Variants in PRDM16 observed in about 807,000 individuals in gnomAD.
The protein encoded by PRDM16 is histone-lysine N-methyltransferase PRDM16.
In PRDM16, 23 loss-of-function variants were observed where a neutral mutation model predicts 110.6. The ratio of observed to expected loss-of-function variants is 0.21; its 90% CI spans 0.15 to 0.29. The LOEUF (loss-of-function observed/expected upper bound fraction) is 0.29. PRDM16 is among the 10% of genes least tolerant of loss of function. The probability of loss-of-function intolerance (pLI) is 1.00; values close to 1 mark genes in which losing one functional copy is unlikely to be tolerated. For synonymous variants in PRDM16, 799 were observed against 781.8 expected, an observed-to-expected ratio of 1.02 and a Z score of -0.37; for missense variants, 1,615 against 1,794.3, an observed-to-expected ratio of 0.90 and a Z score of 1.81.
intron 3 of PRDM16, among the ~76,000 whole-genome samples, chr1:3,349,726 G>T (rs1428700548): frequency 6.6e-6 from 1 of 152,192 alleles, no homozygotes. Context: ...CGCTCTGGGG[G>T]TCTTCAAAGC....
intron 1 of PRDM16, among the ~76,000 whole-genome samples, chr1:3,101,041 C>A (rs570458628): frequency 8.5e-5 from 13 of 152,238 alleles, no homozygotes; most frequent in African/African-American, 3.1e-4. Flanking sequence ...GGGGGATGCC[C>A]TCGGCGGGAG....
At chr1:3,222,164 G>T (rs1458327867) in intron 2 of PRDM16, among the ~76,000 whole-genome samples, 2 of 152,158 alleles carry the variant, frequency 1.3e-5, no homozygotes, top group African/African-American at 2.4e-5. Flanking sequence ...TTGAGCTCAG[G>T]TCCCACCCCC....
At chr1:3,185,732 G>A (rs953085513) in intron 1 of PRDM16, among the ~76,000 whole-genome samples, 8 of 152,378 alleles carry the variant, frequency 5.3e-5, no homozygotes, top group East Asian at 3.9e-4. Context: ...GCCGCCACGC[G>A]TGACGGCTTC....
At chr1:3,424,396 G>A (rs935109257) in intron 12 of PRDM16, among the ~76,000 whole-genome samples, 3 of 152,224 alleles carry the variant, frequency 2.0e-5, no homozygotes, top group South Asian at 2.1e-4. Flanking sequence ...CCCTCCACAC[G>A]CAGCCCTCCT....
chr1:3,294,970 C>G (rs562488449), intron 3 of PRDM16, among the ~76,000 whole-genome samples: 13 of 152,344 alleles, frequency 8.5e-5, no homozygotes, highest in African/African-American at 2.6e-4. Context: ...GACATCTTCC[C>G]CCGCCTGGTC....
At chr1:3,258,509 C>T (rs1477607029) in intron 3 of PRDM16, among the ~76,000 whole-genome samples, 2 of 152,144 alleles carry the variant, frequency 1.3e-5, no homozygotes, top group African/African-American at 4.8e-5. Context: ...TTCTTCTTGC[C>T]CAGTTAACAA....
chr1:3,264,482 C>A (rs1261516210), intron 3 of PRDM16, among the ~76,000 whole-genome samples: 1 of 144,324 alleles, frequency 6.9e-6, no homozygotes, highest in Non-Finnish European at 1.5e-5. Context: ...GACCCTAGGC[C>A]AGGAGGAGAG....
intron 3 of PRDM16, among the ~76,000 whole-genome samples, chr1:3,325,303 C>A (rs1641863035): frequency 6.6e-6 from 1 of 152,212 alleles, no homozygotes; most frequent in Non-Finnish European, 1.5e-5. Flanking sequence ...AGGTGTTAGC[C>A]GGCCCCAGGG....
At chr1:3,259,208 G>T (rs943965732) in intron 3 of PRDM16, among the ~76,000 whole-genome samples, 2 of 152,208 alleles carry the variant, frequency 1.3e-5, no homozygotes, top group African/African-American at 4.8e-5. Context: ...GGAGGCTCGA[G>T]TCACCCTCAG....
chr1:3,369,398 A>G (rs1292729390), intron 3 of PRDM16, among the ~76,000 whole-genome samples: 1 of 152,200 alleles, frequency 6.6e-6, no homozygotes, highest in Non-Finnish European at 1.5e-5. Context: ...ATCACCGAGC[A>G]TCTGGGTGGT....
chr1:3,114,191 A>ACGCGCG (rs1553127266), intron 1 of PRDM16, among the ~76,000 whole-genome samples: 1 of 131,714 alleles, frequency 7.6e-6, no homozygotes, highest in East Asian at 2.5e-4. Flanking sequence ...ACACGCACAC[A>ACGCGCG]CGCACACGCA....
chr1:3,247,413 G>T (rs1258738588), intron 3 of PRDM16, among the ~76,000 whole-genome samples: 1 of 152,338 alleles, frequency 6.6e-6, no homozygotes, highest in Non-Finnish European at 1.5e-5. Context: ...AGGCGAGGGC[G>T]GCCGGGCCGA....
intron 1 of PRDM16, among the ~76,000 whole-genome samples, chr1:3,121,291 G>A (rs1296708322): frequency 6.6e-6 from 1 of 152,240 alleles, no homozygotes; most frequent in East Asian, 1.9e-4. Flanking sequence ...CTAGCAATCT[G>A]CCCCTGAAAA....
At chr1:3,076,032 G>C (rs986024209) in intron 1 of PRDM16, among the ~76,000 whole-genome samples, 1 of 152,180 alleles carries the variant, frequency 6.6e-6, no homozygotes, top group African/African-American at 2.4e-5. Context: ...GCAGAACCAG[G>C]AGCAGCCTCT....
intron 3 of PRDM16, among the ~76,000 whole-genome samples, chr1:3,277,962 A>G (rs967097319): frequency 1.3e-5 from 2 of 152,138 alleles, no homozygotes; most frequent in Non-Finnish European, 2.9e-5. Flanking sequence ...TGCATCCGGG[A>G]GCTCTAGGTC....
At chr1:3,294,681 C>A (rs10047257) in intron 3 of PRDM16, among the ~76,000 whole-genome samples, 2 of 152,230 alleles carry the variant, frequency 1.3e-5, no homozygotes, top group South Asian at 4.1e-4. Context: ...CCAGGCCTCG[C>A]GGGCTGGGCT....
intron 3 of PRDM16, among the ~76,000 whole-genome samples, chr1:3,361,864 T>C (rs542713153): frequency 1.7e-4 from 24 of 137,548 alleles, no homozygotes; most frequent in Admixed American, 1.2e-3. Flanking sequence ...GAAGTGACTG[T>C]GGCCCAGGAG....
chr1:3,095,951 C>T (rs558794010), intron 1 of PRDM16, among the ~76,000 whole-genome samples: 6 of 152,180 alleles, frequency 3.9e-5, no homozygotes, highest in Non-Finnish European at 5.9e-5. Flanking sequence ...GCCAGTGGAA[C>T]GTCACACTCC....
intron 3 of PRDM16, among the ~76,000 whole-genome samples, chr1:3,374,712 A>G (rs1642963755): frequency 6.6e-6 from 1 of 152,192 alleles, no homozygotes; most frequent in Non-Finnish European, 1.5e-5. Context: ...TAGCCTGTTC[A>G]CTGGGTGCCC....
Sources: allele counts gnomAD v4.1 joint callset (sites outside exome capture counted in the v4.1 genomes callset), GRCh38; gene constraint gnomAD v4.1.1; transcripts MANE v1.5; gene names NCBI Gene and HGNC (gene_info 2026-07-23, HGNC 2026-07-21).